Variants in DNAI4 observed in about 807,000 individuals in gnomAD.
DNAI4 encodes dynein axonemal intermediate chain 4.
Under a neutral mutation model 105.8 loss-of-function variants are expected in DNAI4, and 85 were observed. The observed-to-expected ratio is 0.80, with a 90% confidence interval of 0.67 to 0.96. DNAI4 has a LOEUF of 0.96. Ranked by LOEUF, DNAI4 falls within the 40% of genes least tolerant of loss-of-function variation. The pLI is 0.00. For synonymous variants in DNAI4, 352 were observed against 331.5 expected (o/e 1.06, Z -0.67); for missense variants, 1,014 against 1,005.6 (o/e 1.01, Z -0.11).
chr1:66,874,689 AC>A, intron 5 of DNAI4, 91 bp downstream of exon 5: 2 of 1,349,478 alleles, frequency 1.5e-6, no homozygotes, highest in Non-Finnish European at 1.0e-6. Flanking sequence ...ATACCCCAGA[AC>A]CCCCAAGGAC....
chr1:66,818,472 A>T (rs1057041425), intron 16 of DNAI4, among the ~76,000 whole-genome samples: 14 of 152,182 alleles, frequency 9.2e-5, no homozygotes, highest in Non-Finnish European at 1.5e-5. Flanking sequence ...ACTTAAAAAG[A>T]GAATAACAAA....
chr1:66,822,293 G>T, intron 16 of DNAI4, 68 bp downstream of exon 16: 1 of 1,332,276 alleles, frequency 7.5e-7, no homozygotes, highest in Non-Finnish European at 1.0e-6. Context: ...TAAATCCTTT[G>T]CATGCTACAA....
intron 15 of DNAI4, 147 bp downstream of exon 15, chr1:66,826,673 G>A: frequency 3.0e-6 from 2 of 666,536 alleles, no homozygotes. Flanking sequence ...TAGCATCCTG[G>A]CATTATCTTT....
chr1:66,918,671 C>T (rs1204622339), intron 1 of DNAI4, among the ~76,000 whole-genome samples: 1 of 152,162 alleles, frequency 6.6e-6, no homozygotes, highest in East Asian at 1.9e-4. Flanking sequence ...TGAGACTTCA[C>T]AATCTGCTAA....
Position 66,814,094 on chromosome 1 carries a change from T to C in DNAI4, c.*36A>G. 6.4e-7 allele frequency: 1 copy of C among 1,561,708 alleles called. No homozygotes were observed. The highest frequency in any genetic ancestry group is 8.6e-7 in the Non-Finnish European group (1 of 1,158,164). On this transcript the variant is annotated 3_prime_UTR_variant, in exon 17 of 17. Transcript: ENST00000371026. ...GAATATTGGATGTTAATTCCTTTTT[T>C]AAAACAACTACAAGAAAAATATTAG...
intron 2 of DNAI4, among the ~76,000 whole-genome samples, chr1:66,899,247 A>T (rs1648599145): frequency 6.6e-6 from 1 of 152,068 alleles, no homozygotes; most frequent in Non-Finnish European, 1.5e-5. Flanking sequence ...TGCTTTCTTT[A>T]CTTCTAGCAC....
chr1:66,820,601 G>T (rs1055032041), intron 16 of DNAI4, among the ~76,000 whole-genome samples: 1 of 152,002 alleles, frequency 6.6e-6, no homozygotes, highest in Non-Finnish European at 1.5e-5. Flanking sequence ...GCAAGTTTAT[G>T]TATATTCAAA....
intron 2 of DNAI4, among the ~76,000 whole-genome samples, chr1:66,900,822 C>T (rs1198235707): frequency 6.6e-6 from 1 of 152,140 alleles, no homozygotes; most frequent in Non-Finnish European, 1.5e-5. Context: ...GTATATATAA[C>T]ATCATGTCAT....
intron 1 of DNAI4, among the ~76,000 whole-genome samples, chr1:66,905,918 C>CTTTTTTT (rs34206774): frequency 4.3e-4 from 41 of 96,386 alleles, no homozygotes; most frequent in East Asian, 1.3e-3. Flanking sequence ...TTATATACTA[C>CTTTTTTT]TTTTTTTTTT....
chr1:66,829,970 C>T (rs1441863155), intron 13 of DNAI4, among the ~76,000 whole-genome samples: 1 of 151,826 alleles, frequency 6.6e-6, no homozygotes, highest in Non-Finnish European at 1.5e-5. Context: ...AATAACCCAC[C>T]CATCAAAGAA....
At chr1:66,830,118 T>C (rs1645835442) in intron 13 of DNAI4, among the ~76,000 whole-genome samples, 1 of 151,762 alleles carries the variant, frequency 6.6e-6, no homozygotes, top group Non-Finnish European at 1.5e-5. Flanking sequence ...AAAAAAGTCA[T>C]AAATCAATGA....
At chr1:66,820,190 A>G (rs1645596232) in intron 16 of DNAI4, among the ~76,000 whole-genome samples, 1 of 152,190 alleles carries the variant, frequency 6.6e-6, no homozygotes, top group Non-Finnish European at 1.5e-5. Flanking sequence ...AAAAGCCATT[A>G]GGATTACATT....
intron 1 of DNAI4, among the ~76,000 whole-genome samples, chr1:66,917,800 TA>T (rs1650177154): frequency 6.6e-6 from 1 of 152,264 alleles, no homozygotes; most frequent in Admixed American, 6.5e-5. Context: ...TTTTAATTCG[TA>T]ACAGGATACA....
chr1:66,921,970 T>C (rs965158799), intron 1 of DNAI4, among the ~76,000 whole-genome samples: 24 of 150,508 alleles, frequency 1.6e-4, no homozygotes, highest in African/African-American at 5.6e-4. Flanking sequence ...TGATCACGGA[T>C]CACTACAACA....
chr1:66,913,029 G>A (rs961354249), intron 1 of DNAI4, among the ~76,000 whole-genome samples: 1 of 152,056 alleles, frequency 6.6e-6, no homozygotes, highest in East Asian at 1.9e-4. Context: ...TCCTGCTTCC[G>A]TGACGATGGA....
intron 7 of DNAI4, chr1:66,848,235 T>C (rs1442407366): frequency 3.3e-5 from 15 of 456,130 alleles, no homozygotes; most frequent in Non-Finnish European, 6.2e-5. Context: ...AACCTTTCCT[T>C]CATCTTCAAA....
intron 11 of DNAI4, among the ~76,000 whole-genome samples, chr1:66,834,977 G>A (rs79884304): frequency 0.01 from 1,537 of 152,100 alleles, 18 homozygotes; most frequent in African/African-American, 0.035. Context: ...TTACAAACAT[G>A]CCCCATTGGT....
At chr1:66,853,171 G>A (rs891316926) in intron 7 of DNAI4, among the ~76,000 whole-genome samples, 1 of 152,196 alleles carries the variant, frequency 6.6e-6, no homozygotes, top group African/African-American at 2.4e-5. Context: ...CTCCTAACAA[G>A]AAGCTGATGA....
chr1:66,922,453 T>C (rs1038651202), intron 1 of DNAI4, among the ~76,000 whole-genome samples: 2 of 152,168 alleles, frequency 1.3e-5, no homozygotes, highest in African/African-American at 4.8e-5. Flanking sequence ...ACGTGGGATG[T>C]AATTAGGCAA....
Sources: gnomAD v4.1 joint callset for allele counts (sites outside exome capture counted in the v4.1 genomes callset) on GRCh38, gnomAD v4.1.1 for gene constraint, MANE v1.5 for transcripts, NCBI Gene and HGNC (gene_info 2026-07-23, HGNC 2026-07-21) for gene names.